Variants in FAM53A observed in about 807,000 individuals in gnomAD.
The protein encoded by FAM53A is protein FAM53A.
Under a neutral mutation model 26.6 loss-of-function variants are expected in FAM53A, and 28 were observed. The ratio of observed to expected loss-of-function variants is 1.05; its 90% CI spans 0.78 to 1.45. FAM53A has a LOEUF of 1.45. Among genes scored for constraint, FAM53A ranks in the 40% most tolerant of loss-of-function variants. FAM53A has a pLI of 0.00. For synonymous variants in FAM53A, 290 were observed against 253.1 expected (o/e 1.15, Z -1.38); for missense variants, 650 against 575.8 (o/e 1.13, Z -1.32).
the FAM53A span, among the ~76,000 whole-genome samples, chr4:1,605,940 A>G: frequency 6.6e-6 from 1 of 151,968 alleles, no homozygotes; most frequent in African/African-American, 2.4e-5. The surrounding 1 kb of genome is among the most constrained non-coding windows in gnomAD (Gnocchi z 5.7). Flanking sequence ...CCAAACTGGA[A>G]GTGCTCTCTT....
downstream of FAM53A, among the ~76,000 whole-genome samples, chr4:1,616,571 G>A (rs60475537): frequency 0.014 from 2,050 of 149,866 alleles, 161 homozygotes; most frequent in East Asian, 0.24. Context: ...ACTATTCTAG[G>A]AAAACACATG....
In FAM53A at chr4:1,657,414, G is replaced by C. The variant is rs201842677; in HGVS notation, c.130C>G (p.Leu44Val). The C allele has an allele frequency of 6.2e-7, 1 of 1,613,328 alleles. No individual in the cohort carries two copies. Among genetic ancestry groups the C allele is most frequent in the African/African-American group, 1.3e-5 (1 of 74,942 alleles). ...CAGCTCCTAAAGTGCTCACCGTTGA[G>C]CTCCAAAGGGAACAGACGACCGCTC... ...NKSGRLFPLE[L>V]NDQSPWKVFS... The change falls in exon 3 of 5, where the codon CTC becomes GTC. Residue 44 changes from leucine to valine, a missense_variant. Physicochemically the swap from Leu to Val is conservative, Grantham distance 32 (BLOSUM62 1). Transcript: ENST00000308132.
intron 4 of FAM53A, among the ~76,000 whole-genome samples, chr4:1,648,360 C>A (rs971056746): frequency 2.0e-5 from 3 of 152,116 alleles, no homozygotes; most frequent in African/African-American, 7.2e-5. Context: ...GAGGGGCACA[C>A]AGACGGCAGA....
the FAM53A span, among the ~76,000 whole-genome samples, chr4:1,605,769 G>C: frequency 1.7e-4 from 26 of 152,262 alleles, no homozygotes; most frequent in African/African-American, 3.6e-4. The surrounding 1 kb of genome is among the most constrained non-coding windows in gnomAD (Gnocchi z 5.7). Flanking sequence ...GAAACCCTGG[G>C]GCGGGCACAG....
At chr4:1,576,898 AG>A in the FAM53A span, among the ~76,000 whole-genome samples, 3 of 152,094 alleles carry the variant, frequency 2.0e-5, no homozygotes, top group African/African-American at 4.8e-5. Flanking sequence ...TCCTTGAGGG[AG>A]GGGGTAAGAC....
intron 1 of FAM53A, among the ~76,000 whole-genome samples, chr4:1,673,856 C>T (rs746222277): frequency 2.6e-5 from 4 of 152,252 alleles, no homozygotes; most frequent in South Asian, 2.1e-4. Flanking sequence ...GCATGCAGCG[C>T]GGGAGGGACC....
At chr4:1,625,276 AG>A (rs544913417) in intron 1 of FAM53A, among the ~76,000 whole-genome samples, 1 of 53,420 alleles carries the variant, frequency 1.9e-5, no homozygotes, top group African/African-American at 1.4e-4. Flanking sequence ...CCACGTGGTC[AG>A]GGGTCACACC....
chr4:1,605,560 C>T, the FAM53A span, among the ~76,000 whole-genome samples: 1 of 152,326 alleles, frequency 6.6e-6, no homozygotes, highest in Non-Finnish European at 1.5e-5. This position sits in a 1 kb window ranked among gnomAD's most constrained non-coding sequence, Gnocchi z 5.7. Flanking sequence ...TGTTCTGCCA[C>T]AGCCGCCCTC....
intron 1 of FAM53A, among the ~76,000 whole-genome samples, chr4:1,669,213 C>T (rs1714459702): frequency 6.6e-6 from 1 of 152,202 alleles, no homozygotes; most frequent in South Asian, 2.1e-4. Flanking sequence ...ATGGCAAGGA[C>T]ATTCTGGAAG....
chr4:1,676,657 C>A (rs1366072062), intron 1 of FAM53A, among the ~76,000 whole-genome samples: 1 of 152,190 alleles, frequency 6.6e-6, no homozygotes, highest in Non-Finnish European at 1.5e-5. Flanking sequence ...ACTTACTACA[C>A]CCATGCACAC....
At chr4:1,586,190 C>A in the FAM53A span, among the ~76,000 whole-genome samples, 1 of 151,904 alleles carries the variant, frequency 6.6e-6, no homozygotes, top group South Asian at 2.1e-4. Flanking sequence ...CTTGGTGAGA[C>A]TGATTTTTTT....
chr4:1,650,123 T>G (rs1239649809), intron 4 of FAM53A, among the ~76,000 whole-genome samples: 62 of 53,592 alleles, frequency 1.2e-3, no homozygotes, highest in Admixed American at 3.2e-3. Context: ...GGTGGCACAG[T>G]CATGGTGTTT....
chr4:1,614,862 G>T (rs1368797025), downstream of FAM53A, among the ~76,000 whole-genome samples: 1 of 152,086 alleles, frequency 6.6e-6, no homozygotes, highest in Admixed American at 6.5e-5. Flanking sequence ...CGCCCCACAC[G>T]CATTTCTCCA....
At chr4:1,587,386 T>C in the FAM53A span, among the ~76,000 whole-genome samples, 3 of 152,120 alleles carry the variant, frequency 2.0e-5, no homozygotes, top group African/African-American at 7.2e-5. Context: ...CCTCTTCCCT[T>C]TCTGGCCGGG....
At chr4:1,670,945 C>T (rs961595416) in intron 1 of FAM53A, among the ~76,000 whole-genome samples, 7 of 149,590 alleles carry the variant, frequency 4.7e-5, no homozygotes, top group Admixed American at 2.7e-4. Context: ...TCTGTCCCAG[C>T]GTCAGAGCCC....
At chr4:1,593,642 C>A in the FAM53A span, among the ~76,000 whole-genome samples, 28 of 152,106 alleles carry the variant, frequency 1.8e-4, no homozygotes, top group East Asian at 5.4e-3. Context: ...AAAGATAGCG[C>A]GATACTGTCG....
the FAM53A span, among the ~76,000 whole-genome samples, chr4:1,604,490 A>G: frequency 2.2e-3 from 339 of 152,198 alleles, 4 homozygotes; most frequent in African/African-American, 7.6e-3. Context: ...ACCCAAGGTC[A>G]GCACATCCCC....
At chr4:1,589,471 G>A in the FAM53A span, among the ~76,000 whole-genome samples, 3 of 152,088 alleles carry the variant, frequency 2.0e-5, no homozygotes, top group Non-Finnish European at 4.4e-5. Context: ...ATGAGGTGCA[G>A]GACATTTCTT....
At chr4:1,586,547 G>A in the FAM53A span, among the ~76,000 whole-genome samples, 319 of 151,870 alleles carry the variant, frequency 2.1e-3, no homozygotes, top group Middle Eastern at 6.8e-3. Flanking sequence ...GGTCCGAGGC[G>A]GGCGGATCAC....
Sources: allele counts gnomAD v4.1 joint callset (sites outside exome capture counted in the v4.1 genomes callset), GRCh38; gene constraint gnomAD v4.1.1; non-coding constraint Gnocchi (gnomAD v3.1); transcripts MANE v1.5; gene names NCBI Gene and HGNC (gene_info 2026-07-23, HGNC 2026-07-21).